The following EEPD1 variants were observed in gnomAD, a reference collection of about 807,000 sequenced individuals.
EEPD1 encodes endonuclease/exonuclease/phosphatase family domain containing 1, also known as endonuclease/exonuclease/phosphatase family domain-containing protein 1.
In EEPD1, 17 loss-of-function variants were observed where a neutral mutation model predicts 46.3. The ratio of observed to expected loss-of-function variants is 0.37; its 90% CI spans 0.25 to 0.55. EEPD1 has a LOEUF of 0.55. Among genes scored for constraint, EEPD1 ranks in the 20% least tolerant of loss-of-function variants. EEPD1 has a pLI of 0.83. For synonymous variants in EEPD1, 313 were observed against 315.6 expected (o/e 0.99, Z 0.09); for missense variants, 673 against 745.6 (o/e 0.90, Z 1.13).
intron 3 of EEPD1, among the ~76,000 whole-genome samples, chr7:36,278,406 G>A (rs1305476470): frequency 6.6e-6 from 1 of 151,562 alleles, no homozygotes; most frequent in Non-Finnish European, 1.5e-5. Context: ...TGGTGGCACC[G>A]CTGCAGACAG....
chr7:36,232,156 A>G (rs1583823276), intron 2 of EEPD1, among the ~76,000 whole-genome samples: 1 of 144,840 alleles, frequency 6.9e-6, no homozygotes, highest in South Asian at 2.2e-4. Context: ...CCCTAAAGCT[A>G]TTCCATTTAT....
chr7:36,210,753 A>G (rs1238841694), intron 2 of EEPD1, among the ~76,000 whole-genome samples: 2 of 152,068 alleles, frequency 1.3e-5, no homozygotes, highest in African/African-American at 4.8e-5. Flanking sequence ...TTCCTTTCTC[A>G]TGACTCACTT....
chr7:36,285,976 T>A (rs1255140764), intron 5 of EEPD1, among the ~76,000 whole-genome samples: 1 of 152,070 alleles, frequency 6.6e-6, no homozygotes, highest in African/African-American at 2.4e-5. Flanking sequence ...TGTCCATGGG[T>A]TGTATCTGTG....
chr7:36,191,128 G>C (rs1460080459), intron 2 of EEPD1, among the ~76,000 whole-genome samples: 1 of 152,240 alleles, frequency 6.6e-6, no homozygotes, highest in Non-Finnish European at 1.5e-5. Context: ...GTCATGAAGT[G>C]TGCCCCATTT....
intron 6 of EEPD1, among the ~76,000 whole-genome samples, chr7:36,293,949 G>A (rs1787485509): frequency 6.6e-6 from 1 of 151,322 alleles, no homozygotes; most frequent in Non-Finnish European, 1.5e-5. Flanking sequence ...GGGCGACAGA[G>A]TGAGACTCCA....
chr7:36,239,152 T>A, intron 3 of EEPD1, 116 bp downstream of exon 3: 1 of 1,016,430 alleles, frequency 9.8e-7, no homozygotes. Context: ...GGTCAGTTAT[T>A]TTGTATTCCT....
In EEPD1 at chr7:36,284,662, ACT is replaced by A. The variant is rs542099954; in HGVS notation, c.1042-21_1042-20del. ...GTGGCGCTAGGGCTCTGGCACCAAG[ACT>A]CTGTCTCCCTCTCCGCTGCAGGGAG... On this transcript the variant is annotated intron_variant, in intron 4 of 7. Coordinates refer to ENST00000242108, the MANE Select transcript of EEPD1 (RefSeq NM_030636.3). 4.2e-4 allele frequency: 679 copies of A among 1,603,944 alleles called. 5 individuals carry two copies. The South Asian group carries it at 5.2e-3, about 12-fold the overall frequency.
intron 3 of EEPD1, among the ~76,000 whole-genome samples, chr7:36,269,574 G>A (rs1371049666): frequency 6.6e-6 from 1 of 152,076 alleles, no homozygotes; most frequent in Non-Finnish European, 1.5e-5. Context: ...CCCCTGTGCT[G>A]CCATCTGTTT....
chr7:36,209,410 G>T (rs1484523132), intron 2 of EEPD1, among the ~76,000 whole-genome samples: 1 of 152,194 alleles, frequency 6.6e-6, no homozygotes, highest in Admixed American at 6.5e-5. Flanking sequence ...CTGGTGCCCT[G>T]TGAGGAGGAT....
intron 2 of EEPD1, among the ~76,000 whole-genome samples, chr7:36,163,912 T>G (rs1784941918): frequency 6.6e-6 from 1 of 151,912 alleles, no homozygotes; most frequent in African/African-American, 2.4e-5. Context: ...GCTATTCTGT[T>G]CAGTAATGCT....
intron 2 of EEPD1, among the ~76,000 whole-genome samples, chr7:36,236,996 G>A (rs1490824730): frequency 3.9e-5 from 6 of 152,322 alleles, no homozygotes; most frequent in Admixed American, 3.3e-4. Flanking sequence ...TCTTACTGCT[G>A]CTCCCTCTTT....
intron 2 of EEPD1, among the ~76,000 whole-genome samples, chr7:36,210,051 TC>T (rs1416180336): frequency 6.6e-6 from 1 of 151,948 alleles, no homozygotes; most frequent in Non-Finnish European, 1.5e-5. Flanking sequence ...GGTTTGGACT[TC>T]CTGCAGGCAG....
chr7:36,212,557 T>TTTTTTTTTTTTTTTTTTTTTTGAG (rs1554315023), intron 2 of EEPD1, among the ~76,000 whole-genome samples: 1 of 135,786 alleles, frequency 7.4e-6, no homozygotes, highest in African/African-American at 2.6e-5. Flanking sequence ...TAGTGGTTCT[T>TTTTTTTTTTTTTTTTTTTTTTGAG]AACCTCTGTT....
intron 6 of EEPD1, among the ~76,000 whole-genome samples, chr7:36,291,398 C>T (rs1787428758): frequency 6.6e-6 from 1 of 152,180 alleles, no homozygotes; most frequent in Non-Finnish European, 1.5e-5. Flanking sequence ...GGCCTGGTGA[C>T]TTTGGACAAA....
intron 3 of EEPD1, among the ~76,000 whole-genome samples, chr7:36,246,022 A>G (rs1011997412): frequency 3.3e-5 from 5 of 152,240 alleles, no homozygotes; most frequent in Admixed American, 3.3e-4. Flanking sequence ...ATTTAGAAAG[A>G]TCATTTTTCA....
chr7:36,206,178 T>C (rs1785814048), intron 2 of EEPD1, among the ~76,000 whole-genome samples: 1 of 152,112 alleles, frequency 6.6e-6, no homozygotes, highest in South Asian at 2.1e-4. Flanking sequence ...GATTTTATCG[T>C]AATAATCCCA....
At chr7:36,173,974 G>A (rs1184583148) in intron 2 of EEPD1, among the ~76,000 whole-genome samples, 2 of 152,230 alleles carry the variant, frequency 1.3e-5, no homozygotes, top group African/African-American at 2.4e-5. Flanking sequence ...CTGATGGAGA[G>A]CCAGTGGCAC....
intron 2 of EEPD1, among the ~76,000 whole-genome samples, chr7:36,196,050 A>G (rs561350648): frequency 6.6e-6 from 1 of 152,226 alleles, no homozygotes; most frequent in Non-Finnish European, 1.5e-5. Context: ...ATGTTACTGT[A>G]CTGAATATTA....
At chr7:36,295,145 C>T (rs1787502167) in intron 6 of EEPD1, among the ~76,000 whole-genome samples, 2 of 151,468 alleles carry the variant, frequency 1.3e-5, no homozygotes, top group African/African-American at 2.4e-5. Context: ...CCACTGCACT[C>T]CAGCCTGGGT....
Sources: allele counts gnomAD v4.1 joint callset (sites outside exome capture counted in the v4.1 genomes callset), GRCh38; gene constraint gnomAD v4.1.1; transcripts MANE v1.5; gene names NCBI Gene and HGNC (gene_info 2026-07-23, HGNC 2026-07-21).